Variants in ADAM18 observed in about 807,000 individuals in gnomAD.
ADAM18 encodes ADAM metallopeptidase domain 18.
In ADAM18, 117 loss-of-function variants were observed where a neutral mutation model predicts 94.4. That is an observed-to-expected ratio of 1.24 (90% CI 1.07 to 1.45). ADAM18 has a LOEUF of 1.45. Ranked by LOEUF, ADAM18 falls within the 40% of genes most tolerant of loss-of-function variation. The probability of loss-of-function intolerance (pLI) is 0.00; values close to 1 mark genes in which losing one functional copy is unlikely to be tolerated. For missense variants in ADAM18, 936 were observed against 880.0 expected, an observed-to-expected ratio of 1.06 and a Z score of -0.81; for synonymous variants, 327 against 291.6, an observed-to-expected ratio of 1.12 and a Z score of -1.24.
intron 6 of ADAM18, among the ~76,000 whole-genome samples, chr8:39,620,776 C>T (rs1819592992): frequency 6.6e-6 from 1 of 151,514 alleles, no homozygotes; most frequent in Non-Finnish European, 1.5e-5. Context: ...GAAAGATAAA[C>T]ACTGGATGTA....
At chr8:39,697,790 T>C (rs990581721) in intron 17 of ADAM18, among the ~76,000 whole-genome samples, 1 of 151,736 alleles carries the variant, frequency 6.6e-6, no homozygotes, top group East Asian at 1.9e-4. Flanking sequence ...ATATAATCTG[T>C]TTTATATTGA....
At chr8:39,634,927 G>A (rs1156248529) in intron 7 of ADAM18, among the ~76,000 whole-genome samples, 2 of 152,156 alleles carry the variant, frequency 1.3e-5, no homozygotes, top group Non-Finnish European at 2.9e-5. Flanking sequence ...GGGGTGGAAT[G>A]TTAGGGTTTG....
chr8:39,643,268 T>C (rs1054011693), intron 10 of ADAM18, among the ~76,000 whole-genome samples: 1 of 152,148 alleles, frequency 6.6e-6, no homozygotes, highest in African/African-American at 2.4e-5. Flanking sequence ...CTTCTTTCTC[T>C]TGCCTGATTG....
intron 6 of ADAM18, among the ~76,000 whole-genome samples, chr8:39,612,676 G>A (rs992462104): frequency 1.3e-5 from 2 of 152,154 alleles, no homozygotes; most frequent in African/African-American, 4.8e-5. Flanking sequence ...TGTGGGACAA[G>A]GCCATTCTGA....
chr8:39,596,838 G>A (rs1818754859), intron 2 of ADAM18, among the ~76,000 whole-genome samples: 1 of 151,976 alleles, frequency 6.6e-6, no homozygotes, highest in Admixed American at 6.6e-5. Context: ...CTTCAATTGG[G>A]GTTGTCAGTG....
chr8:39,688,542 T>C lies in ADAM18; in HGVS notation c.1822-4058T>C, dbSNP rs570535566. Among the ~76,000 whole-genome samples the C allele has an allele frequency of 1.6e-4, 25 of 152,332 alleles. 1 individual carries two copies. The South Asian group carries it at 4.3e-3, about 26-fold the overall frequency. ...GAATAATGACCTCCAGCTCCATCCA[T>C]GTCCCTGCAGAAGACATGACCTCAT... On this transcript the variant is annotated intron_variant, in intron 16 of 19. Transcript: ENST00000265707.
chr8:39,680,140 G>C lies in ADAM18; in HGVS notation c.1735G>C (p.Val579Leu), dbSNP rs778699407. ...TTCATATATTCAAGACCATGTATGT[G>C]TATCTATAGCCACTGGTTCCTCCAT... The part of the protein sequence containing the change: ...VYSYIQDHVC[V>L]SIATGSSMRS... Residue 579 changes from valine to leucine, a missense_variant, in exon 16 of 20, where the codon GTA becomes CTA. Val to Leu is a conservative substitution (Grantham distance 32). Coordinates refer to ENST00000265707, the MANE Select transcript of ADAM18 (RefSeq NM_014237.3). The C allele has an allele frequency of 9.3e-6, 15 of 1,613,806 alleles. No individual in the cohort carries two copies. The highest frequency in any genetic ancestry group is 2.2e-5 in the South Asian group (2 of 91,076).
chr8:39,655,389 A>T (rs1820657838), intron 12 of ADAM18, among the ~76,000 whole-genome samples: 1 of 152,208 alleles, frequency 6.6e-6, no homozygotes, highest in Admixed American at 6.5e-5. Context: ...ACATATACAT[A>T]AACAGTAACA....
At chr8:39,725,220 A>G (rs1312716879) in intron 19 of ADAM18, among the ~76,000 whole-genome samples, 1 of 152,042 alleles carries the variant, frequency 6.6e-6, no homozygotes, top group Non-Finnish European at 1.5e-5. Flanking sequence ...TACTTAATAT[A>G]TACATCTTGA....
chr8:39,681,381 CCAGATAA>C (rs1821454135), intron 16 of ADAM18, among the ~76,000 whole-genome samples: 1 of 152,066 alleles, frequency 6.6e-6, no homozygotes, highest in South Asian at 2.1e-4. Context: ...GACTACAGTC[CCAGATAA>C]CAGATAACAC....
At chr8:39,676,354 CTGAT>C (rs1417494448) in intron 14 of ADAM18, among the ~76,000 whole-genome samples, 1 of 152,238 alleles carries the variant, frequency 6.6e-6, no homozygotes, top group African/African-American at 2.4e-5. Flanking sequence ...TCAGCAATGG[CTGAT>C]ACCCCTCCCC....
chr8:39,717,312 T>C (rs145065330), intron 18 of ADAM18, among the ~76,000 whole-genome samples: 151 of 151,864 alleles, frequency 9.9e-4, no homozygotes, highest in African/African-American at 3.4e-3. Flanking sequence ...ATAGTTATTT[T>C]TAATACTTTT....
chr8:39,634,678 A>G (rs1390846977), intron 7 of ADAM18, among the ~76,000 whole-genome samples: 1 of 152,086 alleles, frequency 6.6e-6, no homozygotes, highest in Non-Finnish European at 1.5e-5. Flanking sequence ...TGTCTGTTCT[A>G]TGTCTGTCCC....
At chr8:39,606,032 A>C (rs931675924) in intron 2 of ADAM18, among the ~76,000 whole-genome samples, 7 of 152,124 alleles carry the variant, frequency 4.6e-5, no homozygotes, top group African/African-American at 1.4e-4. Flanking sequence ...AAATGCCATT[A>C]ATTCCTTTCT....
chr8:39,695,746 G>A (rs2129580952), intron 17 of ADAM18, among the ~76,000 whole-genome samples: 1 of 151,274 alleles, frequency 6.6e-6, no homozygotes, highest in Admixed American at 6.6e-5. Flanking sequence ...CATCCATGTT[G>A]TATCATGTAG....
At chr8:39,611,841 C>A (rs2129578533) in intron 6 of ADAM18, among the ~76,000 whole-genome samples, 1 of 152,132 alleles carries the variant, frequency 6.6e-6, no homozygotes, top group Middle Eastern at 3.4e-3. Context: ...TTCAAAATAA[C>A]CTGCTAAGAC....
chr8:39,620,180 G>A lies in ADAM18; in HGVS notation c.523-9194G>A, dbSNP rs373075267. Among the ~76,000 whole-genome samples the A allele has an allele frequency of 2.0e-5, 3 of 151,736 alleles. No homozygotes were observed. In the East Asian group the frequency reaches 5.8e-4, roughly 29 times the overall value. On this transcript the variant is annotated intron_variant, in intron 6 of 19. Coordinates refer to ENST00000265707, the MANE Select transcript of ADAM18 (RefSeq NM_014237.3). ...AAACTGAATATTCACACACAAAAGA[G>A]TGAAAGTAAATTCCTATCTCTGAAC... is the stretch of plus-strand genomic sequence containing the variant.
chr8:39,688,727 C>T (rs1232265374), intron 16 of ADAM18, among the ~76,000 whole-genome samples: 1 of 152,090 alleles, frequency 6.6e-6, no homozygotes, highest in Non-Finnish European at 1.5e-5. Flanking sequence ...ATCTATATTC[C>T]TTTGGGTATA....
chr8:39,691,577 C>T (rs1049246989), intron 16 of ADAM18, among the ~76,000 whole-genome samples: 27 of 151,852 alleles, frequency 1.8e-4, no homozygotes, highest in Non-Finnish European at 1.2e-4. Flanking sequence ...ATGGAATCAA[C>T]GTAATTGCTC....
Sources: allele counts gnomAD v4.1 joint callset (sites outside exome capture counted in the v4.1 genomes callset), GRCh38; gene constraint gnomAD v4.1.1; transcripts MANE v1.5; gene names NCBI Gene and HGNC (gene_info 2026-07-23, HGNC 2026-07-21).